ALG1L2: variants seen among roughly 807,000 people sequenced by gnomAD.
ALG1L2 encodes the protein ALG1 chitobiosyldiphosphodolichol beta-mannosyltransferase like 2, also known as putative glycosyltransferase ALG1L2.
In ALG1L2, 32 loss-of-function variants were observed where a neutral mutation model predicts 29.0. That is an observed-to-expected ratio of 1.10 (90% CI 0.83 to 1.48). The LOEUF (loss-of-function observed/expected upper bound fraction) is 1.48, where lower values mean the gene tolerates loss of function less well. Among genes scored for constraint, ALG1L2 ranks in the 40% most tolerant of loss-of-function variants. The pLI is 0.00. For synonymous variants in ALG1L2, 110 were observed against 109.5 expected, an observed-to-expected ratio of 1.00 and a Z score of -0.03; for missense variants, 318 against 274.1, an observed-to-expected ratio of 1.16 and a Z score of -1.13.
At chr3:130,092,339 G>C in intron 3 of ALG1L2, 117 bp downstream of exon 3, 1 of 1,597,594 alleles carries the variant, frequency 6.3e-7, no homozygotes, top group South Asian at 1.1e-5. Context: ...CAGTGAGAAG[G>C]GGAGGGCGTG....
intron 1 of ALG1L2, among the ~76,000 whole-genome samples, chr3:130,087,093 G>A (rs1577325569): frequency 2.7e-5 from 4 of 148,416 alleles, no homozygotes; most frequent in South Asian, 2.2e-4. Flanking sequence ...TAACCAGAGC[G>A]AGTATGGCTG....
At chr3:130,093,307 C>T (rs577498864) in intron 4 of ALG1L2, 147 bp downstream of exon 4, 20 of 919,234 alleles carry the variant, frequency 2.2e-5, no homozygotes, top group Admixed American at 8.5e-5. Context: ...GCTTGACATG[C>T]GGGAAACTGA....
chr3:130,097,276 G>A (rs1324156130), intron 7 of ALG1L2, 26 bp downstream of exon 7: 5 of 1,602,508 alleles, frequency 3.1e-6, no homozygotes, highest in Non-Finnish European at 4.2e-6. Context: ...ACCACGCCAG[G>A]GTGGACAGGG....
intron 1 of ALG1L2, among the ~76,000 whole-genome samples, chr3:130,087,445 G>A (rs1186916289): frequency 1.3e-5 from 2 of 149,910 alleles, no homozygotes; most frequent in Non-Finnish European, 3.0e-5. Flanking sequence ...GATCTGGGAT[G>A]ATCGTTTGCT....
intron 2 of ALG1L2, chr3:130,091,768 T>C: frequency 1.7e-6 from 1 of 600,034 alleles, no homozygotes; most frequent in Non-Finnish European, 3.1e-6. Flanking sequence ...TTTGTGCAGG[T>C]CCACATACCC....
intron 5 of ALG1L2, among the ~76,000 whole-genome samples, chr3:130,095,410 TTATTATTATTATTA>T (rs1935108656): frequency 2.3e-4 from 19 of 80,852 alleles, no homozygotes; most frequent in African/African-American, 4.4e-4. Context: ...GTGCTGTGGT[TTATTATTATTATTA>T]TTATTATTAT....
chr3:130,092,201 G>A lies in ALG1L2; in HGVS notation c.232G>A (p.Val78Ile), dbSNP rs544301585. The A allele has an allele frequency of 4.8e-5, 77 of 1,611,578 alleles. No homozygotes were observed. The East Asian group carries it at 1.0e-3, about 22-fold the overall frequency. ...TCTCCACGAGCGGCCAGCCCTGCTG[G>A]TCAGCAGCACAAGCTGGACAGGTCT... ...TRLHERPALLVSSTSWTEFEQ... is the reference protein window; with the variant it reads ...TRLHERPALLISSTSWTEFEQ... Residue 78 changes from valine (V) to isoleucine (I), a missense_variant, in exon 3 of 8, where the codon GTC becomes ATC. Coordinates refer to ENST00000425059, the MANE Select transcript of ALG1L2 (RefSeq NM_001136152.1).
chr3:130,085,394 C>T (rs116000501), intron 1 of ALG1L2, among the ~76,000 whole-genome samples: 7,249 of 106,212 alleles, frequency 0.068, 852 homozygotes, highest in East Asian at 0.22. Context: ...CTGTGCCTGG[C>T]GTATTTTATT....
At chr3:130,094,291 G>A (rs1935082982) in intron 4 of ALG1L2, 112 bp from the exon 5 acceptor site, 8 of 1,362,010 alleles carry the variant, frequency 5.9e-6, no homozygotes, top group African/African-American at 2.9e-5. Context: ...CAGCTGCCGA[G>A]GGGTGGAGCT....
In ALG1L2 at chr3:130,096,260, C is replaced by T. The variant is rs1310132020; in HGVS notation, c.539+97C>T. On this transcript the variant is annotated intron_variant, in intron 6 of 7. Transcript: ENST00000425059. ...GTGAGCTGCCCACAGTGAGGCCCTG[C>T]CCCTCGGTCAGTCCAGCACACACTG... 4.6e-6 allele frequency: 6 copies of T among 1,306,396 alleles called. 1 individual carries two copies. The highest frequency in any genetic ancestry group is 2.0e-5 in the Admixed American group (1 of 50,118). The allele number at this position is 1,306,396 out of a possible 1,614,324, so 80.9% of individuals were successfully genotyped here. A position where few individuals can be genotyped will look rare whatever the true frequency, so the allele number is the denominator to read the frequency against.
chr3:130,094,844 G>T (rs1471549335), intron 5 of ALG1L2, among the ~76,000 whole-genome samples: 5 of 152,238 alleles, frequency 3.3e-5, no homozygotes, highest in African/African-American at 1.2e-4. Flanking sequence ...GTGGCTTTGG[G>T]AGGTACAGGG....
chr3:130,086,547 C>T (rs1385803620), intron 1 of ALG1L2, among the ~76,000 whole-genome samples: 1 of 149,004 alleles, frequency 6.7e-6, no homozygotes, highest in African/African-American at 2.5e-5. Flanking sequence ...TGCAGTGGTG[C>T]ACACCTGTAG....
In ALG1L2 at chr3:130,094,611, G is replaced by A. The variant is rs568393512; in HGVS notation, c.424+98G>A. 29 of 1,308,016 alleles carry A rather than the reference G, an allele frequency of 2.2e-5. No homozygotes were observed. The East Asian group carries it at 6.3e-4, about 28-fold the overall frequency. 81.0% of individuals were successfully genotyped at this position (1,308,016 alleles called of 1,614,324 possible). A position where few individuals can be genotyped will look rare whatever the true frequency, so the allele number is the denominator to read the frequency against. On this transcript the variant is annotated intron_variant, in intron 5 of 7. Transcript: ENST00000425059. ...CCTTTTCTGAAAAGGTGGCTCTGGA[G>A]GCCACTTGGGGACAGGACCTGGGCT...
At chr3:130,096,784 G>A (rs571627123) in intron 6 of ALG1L2, among the ~76,000 whole-genome samples, 9 of 152,344 alleles carry the variant, frequency 5.9e-5, no homozygotes, top group East Asian at 3.9e-4. Context: ...TGAGCTGAGG[G>A]AATGTCGGGA....
chr3:130,086,130 C>A lies in ALG1L2; in HGVS notation c.20+4094C>A, dbSNP rs1441076684. Among the ~76,000 whole-genome samples the A allele has an allele frequency of 5.3e-5, 8 of 151,440 alleles. No homozygotes were observed. In the East Asian group the frequency reaches 9.6e-4, roughly 18 times the overall value. The stretch of plus-strand genomic sequence containing the variant: ...AACCAACATACGCACAGGAGGCAAA[C>A]CAACTTTTGATCATTTATTAAAACA... On this transcript the variant is annotated intron_variant, in intron 1 of 7. Transcript: ENST00000425059.
At chr3:130,096,309 G>T (rs112238816) in intron 6 of ALG1L2, 146 bp downstream of exon 6, 5 of 776,832 alleles carry the variant, frequency 6.4e-6, no homozygotes, top group Non-Finnish European at 1.0e-5. Flanking sequence ...GGAGCCCTGC[G>T]GTTACTGTGG....
chr3:130,089,627 G>T (rs1002847030), intron 1 of ALG1L2: 7 of 152,286 alleles, frequency 4.6e-5, no homozygotes, highest in Non-Finnish European at 1.0e-4. Context: ...TTTTTCTAAT[G>T]TGGTGACTAA....
chr3:130,096,182 T>C lies in ALG1L2; in HGVS notation c.539+19T>C, dbSNP rs1443639224. 3.1e-6 allele frequency: 5 copies of C among 1,609,530 alleles called. No individual in the cohort carries two copies. The highest frequency in any genetic ancestry group is 4.2e-6 in the Non-Finnish European group (5 of 1,178,908). ...TCAAGTGGTAGGAGCAGAACCCGAA[T>C]TTTTTCTGGGGATAGCTTCACAGAT... On this transcript the variant is annotated intron_variant, in intron 6 of 7. Transcript: ENST00000425059.
chr3:130,091,829 C>T (rs1436491291), intron 2 of ALG1L2: 3 of 676,646 alleles, frequency 4.4e-6, no homozygotes, highest in East Asian at 3.2e-5. Flanking sequence ...CGTCCTAGCA[C>T]CCTCATCTTG....
Sources: gnomAD v4.1 joint callset for allele counts (sites outside exome capture counted in the v4.1 genomes callset) on GRCh38, gnomAD v4.1.1 for gene constraint, MANE v1.5 for transcripts, NCBI Gene and HGNC (gene_info 2026-07-23, HGNC 2026-07-21) for gene names.